The following PTPRQ variants were observed in gnomAD, a reference collection of about 807,000 sequenced individuals.
PTPRQ encodes phosphatidylinositol phosphatase PTPRQ.
A neutral mutation model predicts 246.0 loss-of-function variants in PTPRQ; 199 were observed. The ratio of observed to expected loss-of-function variants is 0.81; its 90% CI spans 0.72 to 0.91. PTPRQ has a LOEUF of 0.91. Among genes scored for constraint, PTPRQ ranks in the 40% least tolerant of loss-of-function variants. The pLI is 0.00. For missense variants in PTPRQ, 2,624 were observed against 2,528.4 expected (o/e 1.04, Z -0.81); for synonymous variants, 869 against 853.2 (o/e 1.02, Z -0.32).
chr12:80,489,547 G>A (rs1479341953), intron 9 of PTPRQ, among the ~76,000 whole-genome samples: 8 of 151,950 alleles, frequency 5.3e-5, no homozygotes, highest in Non-Finnish European at 1.2e-4. Flanking sequence ...GTTTTTATTA[G>A]TCATGGCTTC....
At chr12:80,649,027 A>C (rs1451093831) in intron 36 of PTPRQ, 104 bp downstream of exon 36, 1 of 1,090,514 alleles carries the variant, frequency 9.2e-7, no homozygotes, top group Admixed American at 3.7e-5. Context: ...TGTTTGTTGG[A>C]AAAACCTCCA....
chr12:80,607,619 T>C (rs2121090278), intron 27 of PTPRQ, among the ~76,000 whole-genome samples: 1 of 150,986 alleles, frequency 6.6e-6, no homozygotes, highest in African/African-American at 2.4e-5. Context: ...AATATGTAAT[T>C]ATCAACATTC....
chr12:80,445,939 A>AT (rs939516468), intron 3 of PTPRQ, among the ~76,000 whole-genome samples: 16 of 151,736 alleles, frequency 1.1e-4, no homozygotes, highest in African/African-American at 3.4e-4. Flanking sequence ...TACCTATTTC[A>AT]TTTTTTCTAT....
At chr12:80,573,249 G>T (rs571886909) in intron 25 of PTPRQ, among the ~76,000 whole-genome samples, 1 of 152,134 alleles carries the variant, frequency 6.6e-6, no homozygotes, top group African/African-American at 2.4e-5. Flanking sequence ...CAGCTCTTTG[G>T]GAGGCCAAGG....
rs547372122 is a variant in PTPRQ at position 80,636,831 on chromosome 12, A to T, written c.5915+1758A>T. 1.1e-3 allele frequency among the ~76,000 whole-genome samples: 165 copies of T among 152,336 alleles called. 2 individuals carry two copies. The highest frequency in any genetic ancestry group is 1.5e-4 in the Non-Finnish European group (10 of 68,034). Reference sequence around the variant, plus strand: ...ATTATGTCATGTTTTTAAACAGTCAATATTGGAGAAAGTATTATTTATCGA... The same window carrying T: ...ATTATGTCATGTTTTTAAACAGTCATTATTGGAGAAAGTATTATTTATCGA... On this transcript the variant is annotated intron_variant, in intron 35 of 44. Coordinates refer to ENST00000644991, the MANE Select transcript of PTPRQ (RefSeq NM_001145026.2).
At chr12:80,529,533 G>A (rs942427448) in intron 17 of PTPRQ, among the ~76,000 whole-genome samples, 2 of 152,084 alleles carry the variant, frequency 1.3e-5, no homozygotes, top group South Asian at 4.1e-4. Flanking sequence ...TGTGGTTTGG[G>A]TATTCAGGAT....
chr12:80,647,313 G>A (rs912628648), intron 35 of PTPRQ, among the ~76,000 whole-genome samples: 1 of 152,092 alleles, frequency 6.6e-6, no homozygotes, highest in Non-Finnish European at 1.5e-5. Flanking sequence ...TGTCCATGTG[G>A]TAGCAGGGAA....
At chr12:80,487,086 A>G (rs574511797) in intron 9 of PTPRQ, among the ~76,000 whole-genome samples, 2 of 152,244 alleles carry the variant, frequency 1.3e-5, no homozygotes, top group African/African-American at 4.8e-5. Context: ...AACAGTTTCA[A>G]TCACTGCTTC....
At chr12:80,532,534 T>G (rs1425474785) in intron 17 of PTPRQ, among the ~76,000 whole-genome samples, 2 of 152,178 alleles carry the variant, frequency 1.3e-5, no homozygotes, top group Non-Finnish European at 2.9e-5. Flanking sequence ...TTGCATAGTT[T>G]TAGAGATCCA....
In PTPRQ at chr12:80,637,353, C is replaced by T. The variant is rs144440563; in HGVS notation, c.5915+2280C>T. Reference sequence around the variant, plus strand: ...TCACTCTTCATTATTTATTTTTCCACTTCTGTGTTTATTTACATATTGCAT... The same window carrying T: ...TCACTCTTCATTATTTATTTTTCCATTTCTGTGTTTATTTACATATTGCAT... On this transcript the variant is annotated intron_variant, in intron 35 of 44. Transcript: ENST00000644991. Among the ~76,000 whole-genome samples, 217 of 152,264 alleles carry T rather than the reference C, an allele frequency of 1.4e-3. 1 individual carries two copies. Among genetic ancestry groups the T allele is most frequent in the African/African-American group, 5.0e-3 (207 of 41,550 alleles).
chr12:80,574,250 T>C (rs1897226622), intron 25 of PTPRQ, among the ~76,000 whole-genome samples: 1 of 152,176 alleles, frequency 6.6e-6, no homozygotes, highest in Non-Finnish European at 1.5e-5. Context: ...CATATATCTT[T>C]TTCTATTCTT....
chr12:80,578,235 A>C (rs2120983327), intron 25 of PTPRQ, among the ~76,000 whole-genome samples: 1 of 90,558 alleles, frequency 1.1e-5, no homozygotes, highest in South Asian at 4.3e-4. Flanking sequence ...CCCACCCCAC[A>C]ACAGGCCCCG....
Position 80,669,049 on chromosome 12 carries a change from C to T in PTPRQ, c.6235C>T (p.Leu2079=). The T allele has an allele frequency of 6.5e-7, 1 of 1,550,328 alleles. No individual in the cohort carries two copies. The highest frequency in any genetic ancestry group is 8.7e-7 in the Non-Finnish European group (1 of 1,146,008). The change falls in exon 40 of 45, where the codon CTA becomes TTA. Residue 2079 remains leucine (L), a synonymous_variant. Coordinates refer to ENST00000644991, the MANE Select transcript of PTPRQ (RefSeq NM_001145026.2). The stretch of plus-strand genomic sequence containing the variant: ...TGAATTTATTGCTACTCAAGGTCCA[C>T]TACCAGGAACAGTTGGAGATTTTTG... ...PNEFIATQGP[L]PGTVGDFWRM...
At chr12:80,638,978 T>C (rs1357009179) in intron 35 of PTPRQ, among the ~76,000 whole-genome samples, 2 of 152,206 alleles carry the variant, frequency 1.3e-5, no homozygotes, top group Admixed American at 1.3e-4. Context: ...CTAATAAACA[T>C]ACAGAACAAC....
intron 38 of PTPRQ, among the ~76,000 whole-genome samples, chr12:80,657,330 T>C (rs1900476267): frequency 1.3e-5 from 2 of 151,932 alleles, no homozygotes; most frequent in Non-Finnish European, 1.5e-5. Context: ...ACATAAAGTG[T>C]TTAATAATAC....
chr12:80,479,987 A>T (rs1893977009), intron 8 of PTPRQ, among the ~76,000 whole-genome samples: 1 of 152,014 alleles, frequency 6.6e-6, no homozygotes, highest in Admixed American at 6.6e-5. Context: ...CAACAAGGAT[A>T]CCCAGGAATT....
intron 26 of PTPRQ, among the ~76,000 whole-genome samples, chr12:80,591,857 T>C (rs1400112597): frequency 6.6e-6 from 1 of 152,164 alleles, no homozygotes; most frequent in Non-Finnish European, 1.5e-5. Flanking sequence ...GGGGAGTACC[T>C]GCTTCTAATT....
chr12:80,545,773 T>A (rs1289992157), intron 23 of PTPRQ, among the ~76,000 whole-genome samples: 8 of 147,702 alleles, frequency 5.4e-5, no homozygotes. Flanking sequence ...TTATTATTAT[T>A]ATATATAATA....
rs187832831 is a variant in PTPRQ, at chr12:80,555,811, C to T, written c.4285+6077C>T. On this transcript the variant is annotated intron_variant, in intron 25 of 44. Transcript: ENST00000644991. ...ATCAGGTGAGGAATCTCTTTTTACA[C>T]TTCTTGTAGTGCAGTGGACAGTTGA... Among the ~76,000 whole-genome samples, 4 of 152,226 alleles carry T rather than the reference C, an allele frequency of 2.6e-5. No homozygotes were observed. The East Asian group carries it at 5.8e-4, about 22-fold the overall frequency.
Sources: allele counts gnomAD v4.1 joint callset (sites outside exome capture counted in the v4.1 genomes callset), GRCh38; gene constraint gnomAD v4.1.1; transcripts MANE v1.5; gene names NCBI Gene and HGNC (gene_info 2026-07-23, HGNC 2026-07-21).